SHISAL1: variants seen among roughly 807,000 people sequenced by gnomAD.
The protein encoded by SHISAL1 is shisa like 1, also known as protein shisa-like-1.
Under a neutral mutation model 22.6 loss-of-function variants are expected in SHISAL1, and 9 were observed. That is an observed-to-expected ratio of 0.40 (90% CI 0.24 to 0.70). The LOEUF is 0.70. SHISAL1 is among the 30% of genes least tolerant of loss of function. SHISAL1 has a pLI of 0.39. For missense variants in SHISAL1, 246 were observed against 270.6 expected (o/e 0.91, Z 0.64); for synonymous variants, 119 against 115.4 (o/e 1.03, Z -0.20).
At chr22:44,251,343 G>T (rs5764662) in intron 4 of SHISAL1, among the ~76,000 whole-genome samples, 34,605 of 152,110 alleles carry the variant, frequency 0.23, 4,909 homozygotes, top group East Asian at 0.4. Context: ...ATGTTGAACA[G>T]ATTTTTGAAT....
upstream of SHISAL1, among the ~76,000 whole-genome samples, chr22:44,313,731 T>C (rs73165836): frequency 0.25 from 38,723 of 152,098 alleles, 5,279 homozygotes; most frequent in East Asian, 0.52. Flanking sequence ...CGTGGTACCT[T>C]GGCGGCGCCC....
At chr22:44,258,120 A>G (rs1461058612) in intron 4 of SHISAL1, among the ~76,000 whole-genome samples, 1 of 152,044 alleles carries the variant, frequency 6.6e-6, no homozygotes, top group Non-Finnish European at 1.5e-5. Context: ...AGCCTGGGCA[A>G]CAAGAATGAA....
chr22:44,330,122 G>A, the SHISAL1 span, among the ~76,000 whole-genome samples: 3 of 152,250 alleles, frequency 2.0e-5, no homozygotes, highest in African/African-American at 7.2e-5. Context: ...TTATAGTCTA[G>A]TAAACTGAGG....
At chr22:44,271,833 T>C (rs1223614998) in intron 4 of SHISAL1, among the ~76,000 whole-genome samples, 1 of 152,084 alleles carries the variant, frequency 6.6e-6, no homozygotes, top group Admixed American at 6.5e-5. Flanking sequence ...CGGAGGGTGA[T>C]TATGTGGAAT....
At chr22:44,317,226 C>T (rs113161793), upstream of SHISAL1, among the ~76,000 whole-genome samples, 16 of 152,278 alleles carry the variant, frequency 1.1e-4, no homozygotes, top group African/African-American at 3.4e-4. Flanking sequence ...GATTCAGCTC[C>T]GAGAGCCGGG....
rs2055014315 is a variant in SHISAL1 at position 44,247,753 on chromosome 22, A to AGT, written c.*1930_*1931dup. 6.6e-6 allele frequency: 1 copy of AGT among 152,264 alleles called. No homozygotes were observed. Among genetic ancestry groups the AGT allele is most frequent in the Non-Finnish European group, 1.5e-5 (1 of 68,100 alleles). The allele number at this position is 152,264 out of a possible 1,614,324, so 9.4% of individuals were successfully genotyped here. ...ATGGAGGATGCTTTATACCCTAGCA[A>AGT]GTTTGTTCTGCTTTTCCAAAGGCAG... On this transcript the variant is annotated 3_prime_UTR_variant, in exon 5 of 5. Transcript: ENST00000381176.
Position 44,296,920 on chromosome 22 carries a change from C to G in SHISAL1, c.68-35G>C, listed in dbSNP as rs142595313. 4,451 of 1,554,750 alleles carry G rather than the reference C, an allele frequency of 2.9e-3. 56 individuals are homozygous for G. Among genetic ancestry groups the G allele is most frequent in the African/African-American group, 0.026 (1,893 of 73,842 alleles). On this transcript the variant is annotated intron_variant, in intron 2 of 4. Transcript: ENST00000381176. ...AGAGTCACCAGGCTCAGAGGGGTCC[C>G]TCACCAGTCCACGGGTGCCAAGAGG...
chr22:44,309,738 C>G (rs1477310021), intron 1 of SHISAL1, among the ~76,000 whole-genome samples: 1 of 152,214 alleles, frequency 6.6e-6, no homozygotes, highest in African/African-American at 2.4e-5. Context: ...GTTTAACCTC[C>G]ACAAGTTTCC....
intron 4 of SHISAL1, among the ~76,000 whole-genome samples, chr22:44,282,112 C>T (rs1702563020): frequency 6.6e-6 from 1 of 152,218 alleles, no homozygotes; most frequent in South Asian, 2.1e-4. Context: ...GGGGCTGCCT[C>T]GGGGCCCTCA....
the SHISAL1 span, among the ~76,000 whole-genome samples, chr22:44,323,675 C>G: frequency 6.6e-6 from 1 of 150,890 alleles, no homozygotes; most frequent in Admixed American, 6.6e-5. Flanking sequence ...ATCCATCCAT[C>G]CATCCATCCA....
At chr22:44,316,023 C>T (rs988703390), upstream of SHISAL1, among the ~76,000 whole-genome samples, 1 of 152,204 alleles carries the variant, frequency 6.6e-6, no homozygotes, top group Non-Finnish European at 1.5e-5. Context: ...CCCCCAGGGG[C>T]CAAGTGCTCT....
At chr22:44,317,569 C>T (rs1346215601), upstream of SHISAL1, among the ~76,000 whole-genome samples, 2 of 152,242 alleles carry the variant, frequency 1.3e-5, no homozygotes, top group African/African-American at 4.8e-5. Context: ...GCTGTGCCGC[C>T]AGGTGGACTT....
chr22:44,299,945 G>A (rs2055415006), intron 2 of SHISAL1, among the ~76,000 whole-genome samples: 1 of 150,664 alleles, frequency 6.6e-6, no homozygotes, highest in African/African-American at 2.5e-5. Flanking sequence ...GACACAGAGA[G>A]ACAGACAGAG....
chr22:44,266,532 GTGT>G (rs1569211376), intron 4 of SHISAL1, among the ~76,000 whole-genome samples: 4 of 143,782 alleles, frequency 2.8e-5, no homozygotes, highest in African/African-American at 5.6e-5. Flanking sequence ...TGGGGTATGT[GTGT>G]GTGTGTGTGT....
intron 2 of SHISAL1, among the ~76,000 whole-genome samples, chr22:44,299,160 G>A (rs1186024990): frequency 6.6e-6 from 1 of 152,184 alleles, no homozygotes; most frequent in Non-Finnish European, 1.5e-5. Flanking sequence ...GGGCAGTAAA[G>A]GGCAGCATCC....
At chr22:44,293,531 C>T (rs902483648) in intron 3 of SHISAL1, among the ~76,000 whole-genome samples, 3 of 152,120 alleles carry the variant, frequency 2.0e-5, no homozygotes, top group African/African-American at 7.2e-5. Context: ...GTCAGTGGTG[C>T]TGGGGTGGGA....
At chr22:44,290,456 G>A (rs1004988852) in intron 3 of SHISAL1, among the ~76,000 whole-genome samples, 2 of 151,140 alleles carry the variant, frequency 1.3e-5, no homozygotes, top group Non-Finnish European at 2.9e-5. Context: ...TTTAACCCGG[G>A]AGGCGGAGGT....
intron 1 of SHISAL1, among the ~76,000 whole-genome samples, chr22:44,303,682 A>G (rs2055449591): frequency 6.6e-6 from 1 of 152,204 alleles, no homozygotes; most frequent in South Asian, 2.1e-4. Context: ...AGCCCGAGCA[A>G]ACAGGTACAG....
chr22:44,256,730 C>A (rs1053797316), intron 4 of SHISAL1, among the ~76,000 whole-genome samples: 7 of 151,780 alleles, frequency 4.6e-5, no homozygotes, highest in African/African-American at 1.7e-4. Flanking sequence ...ATCCCCAGGG[C>A]CAATAACGAT....
Sources: gnomAD v4.1 joint callset for allele counts (sites outside exome capture counted in the v4.1 genomes callset) on GRCh38, gnomAD v4.1.1 for gene constraint, MANE v1.5 for transcripts, NCBI Gene and HGNC (gene_info 2026-07-23, HGNC 2026-07-21) for gene names.